Variants in PAX3 observed in about 807,000 individuals in gnomAD.
PAX3 encodes paired box 3, also known as paired box protein Pax-3.
In PAX3, 14 loss-of-function variants were observed where a neutral mutation model predicts 51.6. The observed-to-expected ratio is 0.27, with a 90% CI of 0.18 to 0.42. PAX3 has a LOEUF of 0.42. Among genes scored for constraint, PAX3 ranks in the 10% least tolerant of loss-of-function variants. The probability of loss-of-function intolerance (pLI) is 1.00; values close to 1 mark genes in which losing one functional copy is unlikely to be tolerated. For missense variants in PAX3, 540 were observed against 642.8 expected (o/e 0.84, Z 1.73); for synonymous variants, 280 against 253.4 (o/e 1.11, Z -1.00).
chr2:222,274,866 A>C (rs1694364861), intron 4 of PAX3, among the ~76,000 whole-genome samples: 1 of 152,156 alleles, frequency 6.6e-6, no homozygotes, highest in African/African-American at 2.4e-5. Flanking sequence ...TTCACGCCAT[A>C]TCTCTCATAA....
chr2:222,252,784 G>A (rs1417531804), intron 4 of PAX3, among the ~76,000 whole-genome samples: 1 of 152,028 alleles, frequency 6.6e-6, no homozygotes, highest in East Asian at 1.9e-4. Context: ...CTTAATTTAT[G>A]AATTAATTAT....
intron 4 of PAX3, among the ~76,000 whole-genome samples, chr2:222,278,618 C>T (rs1364513002): frequency 6.6e-6 from 1 of 152,202 alleles, no homozygotes; most frequent in East Asian, 1.9e-4. Flanking sequence ...GAGGGATGCT[C>T]TTGGTCCAAC....
chr2:222,260,597 T>TG lies in PAX3; in HGVS notation c.587-28315_587-28314insC, dbSNP rs1693824006. ...TTTTTTGTTTTTTTTTTTTGTTTTTTTTTTTTTTTTTTGAGGCAAAGTCTC... is the reference window on the plus strand; with the variant it reads ...TTTTTTGTTTTTTTTTTTTGTTTTTTGTTTTTTTTTTTTGAGGCAAAGTCTC... On this transcript the variant is annotated intron_variant, in intron 4 of 8. Coordinates refer to ENST00000392070, the MANE Select transcript of PAX3 (RefSeq NM_181458.4). Among the ~76,000 whole-genome samples, 9 of 86,360 alleles carry TG rather than the reference T, an allele frequency of 1.0e-4. No homozygotes were observed. In the South Asian group the frequency reaches 2.1e-3, roughly 20 times the overall value. The allele number at this position is 86,360 out of a possible 152,430, so 56.7% of individuals were successfully genotyped here.
intron 4 of PAX3, among the ~76,000 whole-genome samples, chr2:222,282,032 C>T (rs532832724): frequency 4.6e-5 from 7 of 152,288 alleles, no homozygotes; most frequent in Admixed American, 1.3e-4. Flanking sequence ...AGAAAGAAGA[C>T]GTGTTTTTGG....
At chr2:222,233,079 C>CAAAAAAAAAA (rs71053063) in intron 4 of PAX3, 1 of 67,940 alleles carries the variant, frequency 1.5e-5, no homozygotes, top group African/African-American at 9.7e-5. Flanking sequence ...AAAGCCAATG[C>CAAAAAAAAAA]AAAAAAAAAA....
At chr2:222,272,159 A>C (rs1023591003) in intron 4 of PAX3, among the ~76,000 whole-genome samples, 2 of 152,254 alleles carry the variant, frequency 1.3e-5, no homozygotes, top group Non-Finnish European at 2.9e-5. Context: ...GTTAGGAATC[A>C]GAGGCACACT....
chr2:222,241,534 C>T (rs1481367902), intron 4 of PAX3, among the ~76,000 whole-genome samples: 2 of 152,164 alleles, frequency 1.3e-5, no homozygotes, highest in Non-Finnish European at 2.9e-5. Context: ...AGCTTATGGC[C>T]CATCTGTGCT....
intron 5 of PAX3, among the ~76,000 whole-genome samples, chr2:222,221,964 CA>C (rs773951369): frequency 2.7e-5 from 4 of 150,274 alleles, no homozygotes; most frequent in Non-Finnish European, 5.9e-5. Context: ...AAATAAATGC[CA>C]AAGAGGTAAG....
intron 4 of PAX3, among the ~76,000 whole-genome samples, chr2:222,268,285 G>C (rs1694123684): frequency 6.6e-6 from 1 of 152,160 alleles, no homozygotes; most frequent in Non-Finnish European, 1.5e-5. Flanking sequence ...ACACCCTTGG[G>C]GGAATCTGGA....
At chr2:222,245,491 A>G (rs1021909041) in intron 4 of PAX3, among the ~76,000 whole-genome samples, 1 of 152,250 alleles carries the variant, frequency 6.6e-6, no homozygotes, top group African/African-American at 2.4e-5. Context: ...GAAAAACACA[A>G]GAATTTCTTC....
intron 4 of PAX3, among the ~76,000 whole-genome samples, chr2:222,291,148 G>A (rs1320207211): frequency 2.0e-5 from 3 of 152,270 alleles, no homozygotes; most frequent in African/African-American, 7.2e-5. Context: ...AGGCCGAGCC[G>A]GGGGAGGAAC....
At chr2:222,270,238 C>T (rs984588485) in intron 4 of PAX3, among the ~76,000 whole-genome samples, 1 of 152,194 alleles carries the variant, frequency 6.6e-6, no homozygotes, top group African/African-American at 2.4e-5. Flanking sequence ...GGTGAATTAT[C>T]ATCTTAGCTC....
intron 4 of PAX3, among the ~76,000 whole-genome samples, chr2:222,234,058 A>G (rs2106098593): frequency 6.6e-6 from 1 of 152,280 alleles, no homozygotes; most frequent in East Asian, 1.9e-4. Context: ...ACTGCCCCAA[A>G]TGGTACACAT....
chr2:222,267,267 A>G (rs984168438), intron 4 of PAX3, among the ~76,000 whole-genome samples: 25 of 152,212 alleles, frequency 1.6e-4, no homozygotes, highest in African/African-American at 5.5e-4. Context: ...GCAAGTCACC[A>G]AGGAGGTATG....
At chr2:222,240,595 C>T (rs538200936) in intron 4 of PAX3, among the ~76,000 whole-genome samples, 2 of 152,276 alleles carry the variant, frequency 1.3e-5, no homozygotes, top group South Asian at 4.2e-4. Context: ...TAAAACCATG[C>T]TTGTGTCTTT....
At position 222,229,275 on chromosome 2, in the gene PAX3, ATAT is replaced by A. The variant is rs1414105643; in HGVS notation, c.792+2800_792+2802del. Among the ~76,000 whole-genome samples, 4 of 149,346 alleles carry A rather than the reference ATAT, an allele frequency of 2.7e-5. 1 individual carries two copies. Among genetic ancestry groups the A allele is most frequent in the South Asian group, 4.2e-4 (2 of 4,764 alleles). The stretch of plus-strand genomic sequence containing the variant: ...GTAATATTAATGTTATGTTAATATA[ATAT>A]TTATATAGTATTATATAATATTACT... On this transcript the variant is annotated intron_variant, in intron 5 of 8. Coordinates refer to ENST00000392070, the MANE Select transcript of PAX3 (RefSeq NM_181458.4).
chr2:222,212,525 G>A (rs1202361754), intron 7 of PAX3, among the ~76,000 whole-genome samples: 2 of 151,898 alleles, frequency 1.3e-5, no homozygotes, highest in Non-Finnish European at 2.9e-5. Flanking sequence ...CGAGCTAAAT[G>A]TCAAGAGCAA....
At chr2:222,239,344 A>C (rs1692919077) in intron 4 of PAX3, among the ~76,000 whole-genome samples, 1 of 150,254 alleles carries the variant, frequency 6.7e-6, no homozygotes, top group Non-Finnish European at 1.5e-5. Flanking sequence ...TTTTTCAGAG[A>C]GAGAAGGAGG....
At chr2:222,227,651 C>T (rs1692434993) in intron 5 of PAX3, among the ~76,000 whole-genome samples, 1 of 151,678 alleles carries the variant, frequency 6.6e-6, no homozygotes, top group African/African-American at 2.4e-5. Flanking sequence ...CCCCACAAAA[C>T]TTGAATGTTT....
Sources: allele counts gnomAD v4.1 joint callset (sites outside exome capture counted in the v4.1 genomes callset), GRCh38; gene constraint gnomAD v4.1.1; transcripts MANE v1.5; gene names NCBI Gene and HGNC (gene_info 2026-07-23, HGNC 2026-07-21).